Variants in PTPRG observed in about 807,000 individuals in gnomAD.
PTPRG encodes receptor-type tyrosine-protein phosphatase gamma.
PTPRG carries 102 observed loss-of-function variants against 165.3 expected under a neutral mutation model. The ratio of observed to expected loss-of-function variants is 0.62; its 90% CI spans 0.53 to 0.73. The LOEUF (loss-of-function observed/expected upper bound fraction) is 0.73, where lower values mean the gene tolerates loss of function less well. Ranked by LOEUF, PTPRG falls within the 30% of genes least tolerant of loss-of-function variation. The pLI, the probability that PTPRG is intolerant of heterozygous loss-of-function variation, is 0.00. For synonymous variants in PTPRG, 675 were observed against 669.5 expected (o/e 1.01, Z -0.13); for missense variants, 1,866 against 1,861.4 (o/e 1.00, Z -0.05).
At chr3:61,726,498 A>G (rs886402546) in intron 1 of PTPRG, among the ~76,000 whole-genome samples, 1 of 152,212 alleles carries the variant, frequency 6.6e-6, no homozygotes, top group African/African-American at 2.4e-5. Flanking sequence ...ACACAAAAAA[A>G]TTGCTAAATA....
At chr3:62,279,512 A>G (rs1702354684) in intron 26 of PTPRG, among the ~76,000 whole-genome samples, 1 of 152,088 alleles carries the variant, frequency 6.6e-6, no homozygotes, top group African/African-American at 2.4e-5. Context: ...AGATTAATTT[A>G]CCCAGGATCA....
intron 2 of PTPRG, among the ~76,000 whole-genome samples, chr3:61,761,218 C>T (rs1372314758): frequency 6.6e-6 from 1 of 152,180 alleles, no homozygotes; most frequent in Admixed American, 6.5e-5. Context: ...TTCCCACCAA[C>T]AGTGTAAAAG....
At chr3:61,563,697 G>C (rs1332029315) in intron 1 of PTPRG, among the ~76,000 whole-genome samples, 1 of 152,210 alleles carries the variant, frequency 6.6e-6, no homozygotes, top group Non-Finnish European at 1.5e-5. Flanking sequence ...CGCTCTGCCT[G>C]GTTACAGACG....
At chr3:61,755,245 T>C (rs1166773675) in intron 2 of PTPRG, among the ~76,000 whole-genome samples, 1 of 152,004 alleles carries the variant, frequency 6.6e-6, no homozygotes, top group East Asian at 1.9e-4. Flanking sequence ...TGACCTCAAG[T>C]GATCTGCCTG....
At chr3:61,779,746 AT>A (rs2034490423) in intron 2 of PTPRG, among the ~76,000 whole-genome samples, 1 of 151,876 alleles carries the variant, frequency 6.6e-6, no homozygotes, top group Admixed American at 6.6e-5. Context: ...TCCCACCCAC[AT>A]TTTCTTATTT....
rs1393477019 is a variant in PTPRG, at chr3:62,293,803, T to G, written c.*496T>G. On this transcript the variant is annotated 3_prime_UTR_variant, in exon 30 of 30. Coordinates refer to ENST00000474889, the MANE Select transcript of PTPRG (RefSeq NM_002841.4). Reference sequence around the variant, plus strand: ...TATTTTAATGGAGTGGATAGCATTGTTTTCTTTTACAGACTAGCAGGCTAC... The same window carrying G: ...TATTTTAATGGAGTGGATAGCATTGGTTTCTTTTACAGACTAGCAGGCTAC... The G allele has an allele frequency of 6.6e-6, 1 of 152,504 alleles. No individual in the cohort carries two copies. The highest frequency in any genetic ancestry group is 1.5e-5 in the Non-Finnish European group (1 of 68,010). The allele number at this position is 152,504 out of a possible 1,614,324, so 9.4% of individuals were successfully genotyped here. A position where few individuals can be genotyped will look rare whatever the true frequency, so the allele number is the denominator to read the frequency against.
intron 1 of PTPRG, among the ~76,000 whole-genome samples, chr3:61,585,118 T>A (rs918061638): frequency 6.7e-6 from 1 of 149,470 alleles, no homozygotes; most frequent in Non-Finnish European, 1.5e-5. Context: ...CCATCTGTAT[T>A]AAAAATACAA....
At chr3:61,653,539 CCT>C (rs1702419342) in intron 1 of PTPRG, among the ~76,000 whole-genome samples, 1 of 152,098 alleles carries the variant, frequency 6.6e-6, no homozygotes, top group Non-Finnish European at 1.5e-5. Flanking sequence ...GCCAGGCACC[CCT>C]GCTTCAGGTA....
At chr3:61,679,529 A>G (rs1236961828) in intron 1 of PTPRG, among the ~76,000 whole-genome samples, 1 of 152,186 alleles carries the variant, frequency 6.6e-6, no homozygotes, top group Non-Finnish European at 1.5e-5. Flanking sequence ...TCACGTCTGT[A>G]ATCCCAGCAC....
At chr3:61,739,522 T>G (rs577664604) in intron 1 of PTPRG, among the ~76,000 whole-genome samples, 50 of 152,356 alleles carry the variant, frequency 3.3e-4, no homozygotes, top group African/African-American at 1.2e-3. Flanking sequence ...AATTCAATTT[T>G]GTGAAGTATA....
At chr3:61,976,361 T>G (rs1388890403) in intron 2 of PTPRG, among the ~76,000 whole-genome samples, 3 of 152,186 alleles carry the variant, frequency 2.0e-5, no homozygotes, top group Non-Finnish European at 4.4e-5. Flanking sequence ...AGAAATTGGA[T>G]GACAGTCAGG....
chr3:61,604,789 G>T (rs951482592), intron 1 of PTPRG, among the ~76,000 whole-genome samples: 1 of 151,982 alleles, frequency 6.6e-6, no homozygotes, highest in African/African-American at 2.4e-5. Context: ...CCACATGGAG[G>T]GTTCATTGTG....
intron 4 of PTPRG, among the ~76,000 whole-genome samples, chr3:62,043,608 C>T (rs1024421107): frequency 1.3e-5 from 2 of 152,164 alleles, no homozygotes; most frequent in African/African-American, 4.8e-5. Flanking sequence ...GAATATGCGG[C>T]AATTCAGAGA....
intron 4 of PTPRG, among the ~76,000 whole-genome samples, chr3:62,021,439 A>AT (rs947274444): frequency 3.9e-5 from 6 of 152,220 alleles, no homozygotes; most frequent in African/African-American, 1.4e-4. Flanking sequence ...AACATCTGAC[A>AT]TTTTCAAAAG....
rs369505317 is a variant in PTPRG at position 61,676,471 on chromosome 3, A to AAAAAAAAAAAAAAAAAAAAG, written c.86-72404_86-72403insAAAAAAAAAAAAAAAAGAAA. 2.3e-3 allele frequency among the ~76,000 whole-genome samples: 224 copies of AAAAAAAAAAAAAAAAAAAAG among 98,950 alleles called. 26 individuals are homozygous for AAAAAAAAAAAAAAAAAAAAG. The highest frequency in any genetic ancestry group is 6.4e-3 in the Admixed American group (51 of 7,942). 64.9% of individuals were successfully genotyped at this position (98,950 alleles called of 152,430 possible). A position where few individuals can be genotyped will look rare whatever the true frequency, so the allele number is the denominator to read the frequency against. ...GACTCCATCTCAAAAAAAAAAAAAA[A>AAAAAAAAAAAAAAAAAAAAG]AAAGAAAATTACTAAAGTCTGTGAA... On this transcript the variant is annotated intron_variant, in intron 1 of 29. Coordinates refer to ENST00000474889, the MANE Select transcript of PTPRG (RefSeq NM_002841.4).
At chr3:62,081,256 C>CAAAAAAAAAAA (rs748197071) in intron 5 of PTPRG, among the ~76,000 whole-genome samples, 1 of 85,510 alleles carries the variant, frequency 1.2e-5, no homozygotes, top group Non-Finnish European at 2.2e-5. Flanking sequence ...GACTCCGTCT[C>CAAAAAAAAAAA]AAAACAAACA....
intron 1 of PTPRG, among the ~76,000 whole-genome samples, chr3:61,744,739 TAAAAA>T (rs1410235622): frequency 1.3e-5 from 2 of 152,180 alleles, no homozygotes; most frequent in African/African-American, 4.8e-5. Context: ...TTTATCTAGT[TAAAAA>T]ATAAAATGTG....
At position 61,625,607 on chromosome 3, in the gene PTPRG, T is replaced by C. The variant is rs1195233382; in HGVS notation, c.85+63235T>C. Among the ~76,000 whole-genome samples, 2 of 152,266 alleles carry C rather than the reference T, an allele frequency of 1.3e-5. 1 individual carries two copies. Among genetic ancestry groups the C allele is most frequent in the South Asian group, 4.2e-4 (2 of 4,818 alleles). On this transcript the variant is annotated intron_variant, in intron 1 of 29. Coordinates refer to ENST00000474889, the MANE Select transcript of PTPRG (RefSeq NM_002841.4). ...TTTCTGTTTATTATTCCATACTCTTTAGAGTAGTGTTGATGTGGTCATAGT... is the reference window on the plus strand; with the variant it reads ...TTTCTGTTTATTATTCCATACTCTTCAGAGTAGTGTTGATGTGGTCATAGT...
intron 4 of PTPRG, among the ~76,000 whole-genome samples, chr3:62,056,511 T>TGGA (rs1351926714): frequency 6.6e-6 from 1 of 152,200 alleles, no homozygotes; most frequent in Non-Finnish European, 1.5e-5. Context: ...GCCAAAAGAT[T>TGGA]GGACACCCCT....
Sources: gnomAD v4.1 joint callset for allele counts (sites outside exome capture counted in the v4.1 genomes callset) on GRCh38, gnomAD v4.1.1 for gene constraint, MANE v1.5 for transcripts, NCBI Gene and HGNC (gene_info 2026-07-23, HGNC 2026-07-21) for gene names.